PIGF: variants seen among roughly 807,000 people sequenced by gnomAD.
PIGF encodes GPI ethanolamine phosphate transferase, stabilizing subunit.
In PIGF, 23 loss-of-function variants were observed where a neutral mutation model predicts 26.0. The observed-to-expected ratio is 0.88, with a 90% CI of 0.64 to 1.25. The LOEUF is 1.25. Ranked by LOEUF, PIGF falls within the 50% of genes most tolerant of loss-of-function variation. The pLI, the probability that PIGF is intolerant of heterozygous loss-of-function variation, is 0.00. For missense variants in PIGF, 278 were observed against 249.9 expected (o/e 1.11, Z -0.76); for synonymous variants, 93 against 92.6 (o/e 1.00, Z -0.03).
intron 5 of PIGF, chr2:46,582,122 A>G (rs1217648302): frequency 6.5e-6 from 1 of 154,132 alleles, no homozygotes. Context: ...AGCAGAAGTT[A>G]TAGAGCGACA....
intron 5 of PIGF, 62 bp downstream of exon 5, chr2:46,592,413 T>G: frequency 1.2e-6 from 1 of 852,992 alleles, no homozygotes; most frequent in Non-Finnish European, 2.0e-6. Flanking sequence ...CTAGTTTGCT[T>G]CATCTGTTTT....
intron 4 of PIGF, among the ~76,000 whole-genome samples, chr2:46,594,127 A>G (rs1474232964): frequency 1.3e-5 from 2 of 152,224 alleles, no homozygotes; most frequent in Non-Finnish European, 2.9e-5. Context: ...ATGTGTTCCA[A>G]TGTTGGAAGG....
chr2:46,585,241 TG>T (rs1224863268), intron 5 of PIGF, among the ~76,000 whole-genome samples: 3 of 152,166 alleles, frequency 2.0e-5, no homozygotes, highest in Admixed American at 1.3e-4. Context: ...CATTCACAAG[TG>T]TTTGCCACCA....
chr2:46,608,454 G>A (rs1178161002), intron 4 of PIGF, among the ~76,000 whole-genome samples: 2 of 152,094 alleles, frequency 1.3e-5, no homozygotes, highest in African/African-American at 2.4e-5. Flanking sequence ...TCAGCTTCTC[G>A]TCAATGTTGA....
At chr2:46,590,065 C>A (rs1669682536) in intron 5 of PIGF, among the ~76,000 whole-genome samples, 3 of 151,940 alleles carry the variant, frequency 2.0e-5, no homozygotes, top group Non-Finnish European at 4.4e-5. Context: ...CTAAAAACAA[C>A]CCAATAGTAA....
At position 46,581,491 on chromosome 2, in the gene PIGF, T is replaced by C; in HGVS notation, c.647A>G (p.Tyr216Cys). Residue 216 changes from tyrosine to cysteine, a missense_variant, in exon 6 of 6, where the codon TAC (tyrosine) becomes TGC (cysteine). Tyr to Cys is a radical substitution (Grantham distance 194). Transcript: ENST00000281382. The part of the protein sequence containing the change: ...WIYWNRKQLT[Y>C]KNN Reference sequence around the variant, plus strand: ...CCTTTGCTCCAGTTAATTGTTCTTGTATGTAAGTTGCTTTCTATTCCAGTA... The same window carrying C: ...CCTTTGCTCCAGTTAATTGTTCTTGCATGTAAGTTGCTTTCTATTCCAGTA... 3 of 1,611,210 alleles carry C rather than the reference T, an allele frequency of 1.9e-6. No homozygotes were observed. The highest frequency in any genetic ancestry group is 2.5e-6 in the Non-Finnish European group (3 of 1,179,398).
chr2:46,614,026 G>A (rs757941163), intron 2 of PIGF: 1 of 377,842 alleles, frequency 2.6e-6, no homozygotes, highest in Non-Finnish European at 4.8e-6. Context: ...CGACCTACAT[G>A]AGTCGAAAAG....
At position 46,615,010 on chromosome 2, in the gene PIGF, G is replaced by C. The variant is rs1320238072; in HGVS notation, c.155C>G (p.Thr52Ser). The change falls in exon 2 of 6, where the codon ACT (threonine) becomes AGT (serine). Residue 52 changes from threonine to serine, a missense_variant. Physicochemically the swap from Thr to Ser is moderately conservative, Grantham distance 58. Coordinates refer to ENST00000281382, the MANE Select transcript of PIGF (RefSeq NM_002643.4). Reference protein sequence around the residue: ...TWLCICSGFVTAVNLVLYLVV... With the variant: ...TWLCICSGFVSAVNLVLYLVV... ...TAAATATAGTACTAGATTGACAGCA[G>C]TTACAAAACCAGAACAGATGCACAA... 1 of 1,609,038 alleles carries C rather than the reference G, an allele frequency of 6.2e-7. No homozygotes were observed. Among genetic ancestry groups the C allele is most frequent in the African/African-American group, 1.3e-5 (1 of 74,802 alleles).
At chr2:46,592,454 C>G (rs1669749793) in intron 5 of PIGF, 21 bp downstream of exon 5, 4 of 1,165,624 alleles carry the variant, frequency 3.4e-6, no homozygotes, top group Non-Finnish European at 5.2e-6. Flanking sequence ...TATTTTGTTG[C>G]TTTAAGTAAC....
At chr2:46,594,535 G>GA (rs1669820976) in intron 4 of PIGF, among the ~76,000 whole-genome samples, 1 of 86,028 alleles carries the variant, frequency 1.2e-5, no homozygotes, top group Admixed American at 1.3e-4. Context: ...GCAGAGTTAG[G>GA]ATTTTTTTTT....
rs754604555 is a variant in PIGF, at chr2:46,615,104, T to G, written c.61A>C (p.Ile21Leu). 1 of 1,586,906 alleles carries G rather than the reference T, an allele frequency of 6.3e-7. No homozygotes were observed. The highest frequency in any genetic ancestry group is 2.2e-5 in the East Asian group (1 of 44,710). ...YTHLLCIFSI[I>L]LSVFIPSLFL... ...AGTGATGGAATGAAGACACTTAGGATAATTGAAAATATGCATAAAAGATGG... is the reference window on the plus strand; with the variant it reads ...AGTGATGGAATGAAGACACTTAGGAGAATTGAAAATATGCATAAAAGATGG... Residue 21 changes from isoleucine to leucine, a missense_variant, in exon 2 of 6, where the codon ATC (isoleucine) becomes CTC (leucine). Physicochemically the swap from Ile to Leu is conservative, Grantham distance 5 (BLOSUM62 2). Coordinates refer to ENST00000281382, the MANE Select transcript of PIGF (RefSeq NM_002643.4).
intron 4 of PIGF, among the ~76,000 whole-genome samples, chr2:46,607,150 C>G (rs943089099): frequency 6.6e-6 from 1 of 152,134 alleles, no homozygotes; most frequent in Non-Finnish European, 1.5e-5. Flanking sequence ...TATCTCAATA[C>G]TGTTTTAAAA....
At chr2:46,582,328 G>A (rs1415775117) in intron 5 of PIGF, 1 of 151,544 alleles carries the variant, frequency 6.6e-6, no homozygotes, top group South Asian at 2.1e-4. Flanking sequence ...ATGTTCTTCT[G>A]TGAAGCTTAT....
At chr2:46,608,736 T>G (rs972809825) in intron 4 of PIGF, among the ~76,000 whole-genome samples, 1 of 152,204 alleles carries the variant, frequency 6.6e-6, no homozygotes, top group Non-Finnish European at 1.5e-5. Flanking sequence ...CTTGGGTGAC[T>G]AGGCACATTG....
chr2:46,583,185 C>A (rs1332253296), intron 5 of PIGF: 1 of 151,968 alleles, frequency 6.6e-6, no homozygotes, highest in Non-Finnish European at 1.5e-5. Flanking sequence ...ATCTCTGAAA[C>A]CCTTCACACT....
chr2:46,594,425 C>A (rs1054500576), intron 4 of PIGF, among the ~76,000 whole-genome samples: 3 of 141,492 alleles, frequency 2.1e-5, no homozygotes, highest in African/African-American at 8.7e-5. Flanking sequence ...AGGTCTTAAA[C>A]TGGAGGACTG....
chr2:46,582,668 C>T (rs1306426754), intron 5 of PIGF: 3 of 152,558 alleles, frequency 2.0e-5, no homozygotes, highest in Non-Finnish European at 1.5e-5. Flanking sequence ...ATTCACATGA[C>T]TTGAGCTTAT....
In PIGF at chr2:46,606,434, G is replaced by A. The variant is rs551343358; in HGVS notation, c.437+5794C>T. ...GAGTTTTGTTTTGGGGTTTTTTTCT[G>A]TTTTTATGTGTTTAGTTTTTACAAA... On this transcript the variant is annotated intron_variant, in intron 4 of 5. Coordinates refer to ENST00000281382, the MANE Select transcript of PIGF (RefSeq NM_002643.4). 2.6e-5 allele frequency among the ~76,000 whole-genome samples: 4 copies of A among 152,000 alleles called. No individual in the cohort carries two copies. The East Asian group carries it at 5.8e-4, about 22-fold the overall frequency.
At chr2:46,605,774 C>T (rs1023969326) in intron 4 of PIGF, among the ~76,000 whole-genome samples, 2 of 152,096 alleles carry the variant, frequency 1.3e-5, no homozygotes, top group African/African-American at 4.8e-5. Flanking sequence ...GGCTACAGAA[C>T]TGGGGCAAAT....
Sources: allele counts gnomAD v4.1 joint callset (sites outside exome capture counted in the v4.1 genomes callset), GRCh38; gene constraint gnomAD v4.1.1; transcripts MANE v1.5; gene names NCBI Gene and HGNC (gene_info 2026-07-23, HGNC 2026-07-21).